Variants in CAMK2B observed in about 807,000 individuals in gnomAD.
CAMK2B encodes calcium/calmodulin dependent protein kinase II beta.
A neutral mutation model predicts 93.7 loss-of-function variants in CAMK2B; 27 were observed. The ratio of observed to expected loss-of-function variants is 0.29; its 90% CI spans 0.21 to 0.40. The LOEUF (loss-of-function observed/expected upper bound fraction) is 0.40. Ranked by LOEUF, CAMK2B falls within the 10% of genes least tolerant of loss-of-function variation. CAMK2B has a pLI of 1.00. For missense variants in CAMK2B, 568 were observed against 895.8 expected, an observed-to-expected ratio of 0.63 and a Z score of 4.67; for synonymous variants, 374 against 358.8, an observed-to-expected ratio of 1.04 and a Z score of -0.48.
At chr7:44,228,507 C>T (rs2096542936) in intron 19 of CAMK2B, among the ~76,000 whole-genome samples, 1 of 151,994 alleles carries the variant, frequency 6.6e-6, no homozygotes, top group African/African-American at 2.4e-5. Flanking sequence ...CAGGGCTGCC[C>T]AGGGCTGGGA....
rs370744988 is a variant in CAMK2B, at chr7:44,274,965, AGAGGAGTGAGGC to A, written c.160+9154_160+9165del. ...CAACCCTCCATCTATTTTACAGAAA[AGAGGAGTGAGGC>A]AGGGAGGCGATGGTCTTTAGGGGCC... is the stretch of plus-strand genomic sequence containing the variant. On this transcript the variant is annotated intron_variant, in intron 2 of 23. Transcript: ENST00000395749. Among the ~76,000 whole-genome samples, 463 of 152,310 alleles carry A rather than the reference AGAGGAGTGAGGC, an allele frequency of 3.0e-3. 1 individual carries two copies. The highest frequency in any genetic ancestry group is 5.8e-3 in the Non-Finnish European group (394 of 68,016).
chr7:44,219,955 T>TG lies in CAMK2B; in HGVS notation c.*2+104dup, dbSNP rs149624128. On this transcript the variant is annotated intron_variant, in intron 23 of 23. Transcript: ENST00000395749. ...GGAAAGCTCAGGGACTTCCCAGGCA[T>TG]GGCTCTGCACAGGCCCCACCGCTCC... 1 allele frequency: 903,391 copies of TG among 903,410 alleles called. 451,686 individuals carry two copies. Among genetic ancestry groups the TG allele is most frequent in the African/African-American group, 1 (60,568 of 60,568 alleles). The allele number at this position is 903,410 out of a possible 1,614,324, so 56.0% of individuals were successfully genotyped here.
Position 44,228,783 on chromosome 7 carries a change from G to A in CAMK2B, c.1468+13C>T, listed in dbSNP as rs1018029951. The stretch of plus-strand genomic sequence containing the variant: ...CGGCAGCAGAGGCGGCAGGCCTGGG[G>A]GCCACTACTTACACGGGGAGGACAG... On this transcript the variant is annotated intron_variant, in intron 19 of 23. Transcript: ENST00000395749. The A allele has an allele frequency of 1.4e-6, 2 of 1,464,728 alleles. No individual in the cohort carries two copies. The highest frequency in any genetic ancestry group is 9.0e-7 in the Non-Finnish European group (1 of 1,109,864). The allele number at this position is 1,464,728 out of a possible 1,614,324, so 90.7% of individuals were successfully genotyped here. A position where few individuals can be genotyped will look rare whatever the true frequency, so the allele number is the denominator to read the frequency against.
At chr7:44,316,039 C>A (rs1254935340) in intron 1 of CAMK2B, among the ~76,000 whole-genome samples, 2 of 152,142 alleles carry the variant, frequency 1.3e-5, no homozygotes, top group Non-Finnish European at 2.9e-5. Context: ...AATCTGGGAG[C>A]CTTCTATCTC....
rs1300529741 is a variant in CAMK2B at position 44,221,055 on chromosome 7, CT to C, written c.1598-155del. ...GAAGAGGTCCTCTCCGCCGCCCCCC[CT>C]GCATCACCAGTGGCTTCCTCATTTT... On this transcript the variant is annotated intron_variant, in intron 20 of 23. Coordinates refer to ENST00000395749, the MANE Select transcript of CAMK2B (RefSeq NM_001220.5). The C allele has an allele frequency of 1.1e-5, 7 of 611,150 alleles. No homozygotes were observed. The East Asian group carries it at 1.4e-4, about 12-fold the overall frequency. 37.9% of individuals were successfully genotyped at this position (611,150 alleles called of 1,614,324 possible).
chr7:44,236,869 G>T (rs2096630980), intron 13 of CAMK2B, among the ~76,000 whole-genome samples: 1 of 152,174 alleles, frequency 6.6e-6, no homozygotes, highest in Admixed American at 6.5e-5. Context: ...GCTGGGGGAC[G>T]GGCTCCTCCT....
At chr7:44,238,309 A>G (rs2096644933) in intron 13 of CAMK2B, among the ~76,000 whole-genome samples, 1 of 152,144 alleles carries the variant, frequency 6.6e-6, no homozygotes, top group Non-Finnish European at 1.5e-5. Flanking sequence ...CCCCACGTTC[A>G]CTTGCAGACA....
chr7:44,289,910 G>GT (rs1786284436), intron 1 of CAMK2B, among the ~76,000 whole-genome samples: 1 of 152,190 alleles, frequency 6.6e-6, no homozygotes, highest in Non-Finnish European at 1.5e-5. Flanking sequence ...TTCTCTCCCT[G>GT]TTCCTCTCTC....
intron 15 of CAMK2B, among the ~76,000 whole-genome samples, chr7:44,234,099 T>G (rs1327314154): frequency 6.6e-6 from 1 of 152,104 alleles, no homozygotes; most frequent in African/African-American, 2.4e-5. Flanking sequence ...CATCCACAAG[T>G]CAACATGGGT....
At chr7:44,299,998 A>G (rs575074114) in intron 1 of CAMK2B, among the ~76,000 whole-genome samples, 4 of 147,656 alleles carry the variant, frequency 2.7e-5, no homozygotes, top group Admixed American at 1.4e-4. Context: ...ATATGTATAT[A>G]TGTATGTATA....
At chr7:44,289,297 C>T (rs1786064212) in intron 1 of CAMK2B, among the ~76,000 whole-genome samples, 4 of 152,206 alleles carry the variant, frequency 2.6e-5, no homozygotes, top group Admixed American at 2.6e-4. Context: ...GCACCTCTCC[C>T]CGGAGAGCTG....
In CAMK2B at chr7:44,217,915, G is replaced by A. The variant is rs1297646545; in HGVS notation, c.*1610C>T. 1 of 152,120 alleles carries A rather than the reference G, an allele frequency of 6.6e-6. No homozygotes were observed. The highest frequency in any genetic ancestry group is 1.5e-5 in the Non-Finnish European group (1 of 68,094). The allele number at this position is 152,120 out of a possible 1,614,324, so 9.4% of individuals were successfully genotyped here. The stretch of plus-strand genomic sequence containing the variant: ...ATGCTCGGGCTTGCCCTGTCCCCGA[G>A]CTCCCCCATGGTACACACCATCACA... On this transcript the variant is annotated 3_prime_UTR_variant, in exon 24 of 24. Transcript: ENST00000395749.
intron 1 of CAMK2B, among the ~76,000 whole-genome samples, chr7:44,294,055 C>A (rs1787606656): frequency 6.6e-6 from 1 of 152,162 alleles, no homozygotes; most frequent in Non-Finnish European, 1.5e-5. Context: ...TGGGGTCCGA[C>A]TGGCTCCCAA....
At chr7:44,226,097 C>T (rs1342123884) in intron 20 of CAMK2B, among the ~76,000 whole-genome samples, 3 of 152,168 alleles carry the variant, frequency 2.0e-5, no homozygotes, top group Non-Finnish European at 1.5e-5. Flanking sequence ...GCTAGAGCGT[C>T]TCAGGCCGGG....
At chr7:44,228,712 T>C (rs1011073566) in intron 19 of CAMK2B, 84 bp downstream of exon 19, 13 of 1,297,376 alleles carry the variant, frequency 1.0e-5, no homozygotes, top group Non-Finnish European at 1.3e-5. Flanking sequence ...GGGCCGTGCA[T>C]GCAGGTGGGA....
At chr7:44,259,275 C>T (rs922383842) in intron 3 of CAMK2B, 10 of 252,732 alleles carry the variant, frequency 4.0e-5, no homozygotes, top group Non-Finnish European at 6.4e-5. Context: ...TGCTCCCAAA[C>T]ACCACGGAGA....
At position 44,242,333 on chromosome 7, in the gene CAMK2B, G is replaced by A; in HGVS notation, c.704C>T (p.Ser235Phe). 1.2e-6 allele frequency: 2 copies of A among 1,613,512 alleles called. No homozygotes were observed. The highest frequency in any genetic ancestry group is 8.5e-7 in the Non-Finnish European group (1 of 1,179,636). The change falls in exon 10 of 24, where the codon TCC becomes TTC. Residue 235 changes from serine to phenylalanine, a missense_variant. By Grantham distance (155) the Ser-to-Phe change is radical. Transcript: ENST00000395749. ...QIKAGAYDFP[S>F]PEWDTVTPEA... The stretch of plus-strand genomic sequence containing the variant: ...AGGAGTGACGGTGTCCCACTCAGGG[G>A]ACGGGAACTGCAGAAGGAAACAGCG...
chr7:44,220,777 G>A (rs1583688498), intron 21 of CAMK2B, 49 bp downstream of exon 21: 1 of 1,561,900 alleles, frequency 6.4e-7, no homozygotes. Context: ...CCCCCCAAGG[G>A]TCCCACATCC....
intron 20 of CAMK2B, among the ~76,000 whole-genome samples, chr7:44,222,501 T>G (rs1166819974): frequency 6.6e-6 from 1 of 151,956 alleles, no homozygotes. Context: ...AGTGACATGA[T>G]CTCGGCTCAC....
Sources: gnomAD v4.1 joint callset for allele counts (sites outside exome capture counted in the v4.1 genomes callset) on GRCh38, gnomAD v4.1.1 for gene constraint, MANE v1.5 for transcripts, NCBI Gene and HGNC (gene_info 2026-07-23, HGNC 2026-07-21) for gene names.